Variants in TUSC3 observed in about 807,000 individuals in gnomAD.
TUSC3 encodes the protein tumor suppressor candidate 3.
A neutral mutation model predicts 44.8 loss-of-function variants in TUSC3; 45 were observed. That is an observed-to-expected ratio of 1.00 (90% CI 0.79 to 1.29). The LOEUF (loss-of-function observed/expected upper bound fraction) is 1.29, where lower values mean the gene tolerates loss of function less well. Ranked by LOEUF, TUSC3 falls within the 50% of genes most tolerant of loss-of-function variation. The probability of loss-of-function intolerance (pLI) is 0.00; values close to 1 mark genes in which losing one functional copy is unlikely to be tolerated. For missense variants in TUSC3, 519 were observed against 437.9 expected (o/e 1.19, Z -1.65); for synonymous variants, 212 against 152.9 (o/e 1.39, Z -2.85).
intron 1 of TUSC3, among the ~76,000 whole-genome samples, chr8:15,608,834 A>C (rs768521630): frequency 2.0e-5 from 3 of 152,172 alleles, no homozygotes; most frequent in Non-Finnish European, 4.4e-5. Context: ...TAAATTACCC[A>C]GTCTTGGATA....
At chr8:15,526,468 C>G (rs1397129104) in intron 2 of TUSC3, among the ~76,000 whole-genome samples, 10 of 152,174 alleles carry the variant, frequency 6.6e-5, no homozygotes, top group Admixed American at 6.5e-4. Flanking sequence ...AATTCCCACA[C>G]ATTGTGGGAG....
rs1300250381 is a variant in TUSC3, at chr8:15,765,509, T to A, written c.*1353T>A. 1 of 152,012 alleles carries A rather than the reference T, an allele frequency of 6.6e-6. No homozygotes were observed. Among genetic ancestry groups the A allele is most frequent in the East Asian group, 1.9e-4 (1 of 5,184 alleles). The allele number at this position is 152,012 out of a possible 1,614,324, so 9.4% of individuals were successfully genotyped here. ...AGTTTACTTACTTAAATCTGTGAAT[T>A]TCAATGAAGAATGGGAATATAAAGG... On this transcript the variant is annotated 3_prime_UTR_variant, in exon 11 of 11. Transcript: ENST00000503731.
At chr8:15,810,663 G>T in the TUSC3 span, among the ~76,000 whole-genome samples, 1 of 152,016 alleles carries the variant, frequency 6.6e-6, no homozygotes, top group East Asian at 1.9e-4. Flanking sequence ...GGGCGGGAAA[G>T]AAAATCAAAA....
chr8:15,541,375 G>A (rs895262765), intron 1 of TUSC3, among the ~76,000 whole-genome samples: 1 of 152,208 alleles, frequency 6.6e-6, no homozygotes, highest in East Asian at 1.9e-4. Context: ...TTTCGGGAAT[G>A]TGACTAGGGT....
chr8:15,791,109 A>C, the TUSC3 span, among the ~76,000 whole-genome samples: 4 of 152,142 alleles, frequency 2.6e-5, no homozygotes, highest in Non-Finnish European at 5.9e-5. Flanking sequence ...CTTAGAAAAA[A>C]ATTCACAATA....
chr8:15,793,499 C>T, the TUSC3 span, among the ~76,000 whole-genome samples: 1 of 152,032 alleles, frequency 6.6e-6, no homozygotes, highest in African/African-American at 2.4e-5. Flanking sequence ...TCTTTGTTCC[C>T]ATGTTGCTTG....
chr8:15,743,910 C>T (rs2129214793), intron 8 of TUSC3, among the ~76,000 whole-genome samples: 1 of 152,182 alleles, frequency 6.6e-6, no homozygotes, highest in East Asian at 1.9e-4. Flanking sequence ...GTAATTCCAC[C>T]CGGCACAGAG....
In TUSC3 at chr8:15,686,094, C is replaced by G. The variant is rs563456348; in HGVS notation, c.798+12258C>G. ...ACTATTAAGATACTATGTAATGGCA[C>G]AAGTCAAGTACTAATGGTCCACTTA... On this transcript the variant is annotated intron_variant, in intron 6 of 10. Transcript: ENST00000503731. 4.6e-5 allele frequency among the ~76,000 whole-genome samples: 7 copies of G among 152,008 alleles called. No homozygotes were observed. The South Asian group carries it at 1.5e-3, about 32-fold the overall frequency.
At chr8:15,477,656 A>G in intron 1 of TUSC3, among the ~76,000 whole-genome samples, 1 of 152,112 alleles carries the variant, frequency 6.6e-6, no homozygotes. Context: ...AGGGAGGCAG[A>G]GCTTTCAGTG....
intron 1 of TUSC3, among the ~76,000 whole-genome samples, chr8:15,439,484 G>C (rs1013998392): frequency 1.3e-5 from 2 of 152,218 alleles, no homozygotes; most frequent in Admixed American, 6.5e-5. Context: ...TTGAGCCTAG[G>C]AGGTTGAGGC....
At chr8:15,573,170 C>CTT (rs1473088948) in intron 1 of TUSC3, among the ~76,000 whole-genome samples, 4,377 of 61,594 alleles carry the variant, frequency 0.071, 108 homozygotes, top group Middle Eastern at 0.13. Flanking sequence ...CTCTCTCTTT[C>CTT]TCTCTCTCTC....
chr8:15,817,556 C>A, the TUSC3 span, among the ~76,000 whole-genome samples: 139 of 152,168 alleles, frequency 9.1e-4, no homozygotes, highest in Non-Finnish European at 1.4e-3. Context: ...GTTCCCGTGA[C>A]AGTGAGTTCT....
chr8:15,787,357 A>T, the TUSC3 span, among the ~76,000 whole-genome samples: 2 of 152,212 alleles, frequency 1.3e-5, no homozygotes, highest in Non-Finnish European at 2.9e-5. Flanking sequence ...AAGACTAGGC[A>T]TGGAATATAA....
rs3070913 is a variant in TUSC3 at position 15,650,984 on chromosome 8, TACACACAC to T, written c.426+202_426+209del. On this transcript the variant is annotated intron_variant, in intron 3 of 10. Coordinates refer to ENST00000503731, the MANE Select transcript of TUSC3 (RefSeq NM_006765.4). ...CAGGTGGAGGACAGAGCAAGACTTT[TACACACAC>T]ACACACACACACACACACACACACA... The T allele has an allele frequency of 0.051, 24,868 of 490,900 alleles. 809 individuals are homozygous for T. The highest frequency in any genetic ancestry group is 0.16 in the African/African-American group (8,300 of 50,478). The allele number at this position is 490,900 out of a possible 1,614,324, so 30.4% of individuals were successfully genotyped here.
At chr8:15,655,674 A>T (rs1807128929) in intron 3 of TUSC3, among the ~76,000 whole-genome samples, 1 of 152,286 alleles carries the variant, frequency 6.6e-6, no homozygotes, top group Admixed American at 6.5e-5. Context: ...TAACCCTCAG[A>T]TGAATTCTTT....
the TUSC3 span, among the ~76,000 whole-genome samples, chr8:15,820,352 G>A: frequency 1.2e-3 from 157 of 129,416 alleles, 1 homozygote; most frequent in Middle Eastern, 5.0e-3. Context: ...TTGCTCTGTC[G>A]CCAAGCTGGA....
At chr8:15,606,483 A>G (rs1003582110) in intron 1 of TUSC3, among the ~76,000 whole-genome samples, 4 of 152,086 alleles carry the variant, frequency 2.6e-5, no homozygotes, top group Admixed American at 2.0e-4. Context: ...TAACCTTCCC[A>G]TTGTTCTATA....
chr8:15,627,603 C>G (rs1184303488), intron 2 of TUSC3, among the ~76,000 whole-genome samples: 1 of 152,246 alleles, frequency 6.6e-6, no homozygotes, highest in African/African-American at 2.4e-5. Flanking sequence ...GCTTCCTGAG[C>G]CAGGGCTGTG....
chr8:15,458,035 A>G (rs1486059369), intron 1 of TUSC3, among the ~76,000 whole-genome samples: 1 of 152,072 alleles, frequency 6.6e-6, no homozygotes, highest in Non-Finnish European at 1.5e-5. Context: ...AAATAATTCA[A>G]AACATACTCT....
Sources: allele counts gnomAD v4.1 joint callset (sites outside exome capture counted in the v4.1 genomes callset), GRCh38; gene constraint gnomAD v4.1.1; transcripts MANE v1.5; gene names NCBI Gene and HGNC (gene_info 2026-07-23, HGNC 2026-07-21).